TSPAN5: variants seen among roughly 807,000 people sequenced by gnomAD.
The protein encoded by TSPAN5 is tetraspanin 5, also known as tetraspanin-5.
In TSPAN5, 10 loss-of-function variants were observed where a neutral mutation model predicts 37.1. The ratio of observed to expected loss-of-function variants is 0.27; its 90% confidence interval spans 0.17 to 0.46. The LOEUF (loss-of-function observed/expected upper bound fraction) is 0.46, where lower values mean the gene tolerates loss of function less well. Ranked by LOEUF, TSPAN5 falls within the 20% of genes least tolerant of loss-of-function variation. The probability of loss-of-function intolerance (pLI) is 1.00; values close to 1 mark genes in which losing one functional copy is unlikely to be tolerated. For synonymous variants in TSPAN5, 110 were observed against 118.9 expected, an observed-to-expected ratio of 0.93 and a Z score of 0.48; for missense variants, 195 against 326.6, an observed-to-expected ratio of 0.60 and a Z score of 3.11.
intron 2 of TSPAN5, among the ~76,000 whole-genome samples, chr4:98,506,398 T>G (rs1192898617): frequency 6.6e-6 from 1 of 152,244 alleles, no homozygotes; most frequent in Non-Finnish European, 1.5e-5. Flanking sequence ...AAACTCCAGG[T>G]AGCCTCAGTT....
At chr4:98,491,539 T>C (rs1034482032) in intron 2 of TSPAN5, among the ~76,000 whole-genome samples, 1 of 152,030 alleles carries the variant, frequency 6.6e-6, no homozygotes, top group African/African-American at 2.4e-5. Context: ...AATACACAAA[T>C]GAGCTGCACG....
intron 1 of TSPAN5, among the ~76,000 whole-genome samples, chr4:98,602,731 C>T (rs1288169770): frequency 1.3e-5 from 2 of 152,216 alleles, no homozygotes; most frequent in Non-Finnish European, 2.9e-5. Flanking sequence ...ATTAGGAAAG[C>T]AAGCTGATTA....
intron 1 of TSPAN5, among the ~76,000 whole-genome samples, chr4:98,598,018 G>A (rs1317463395): frequency 4.3e-5 from 4 of 93,660 alleles, no homozygotes; most frequent in East Asian, 2.7e-4. Context: ...GGGCAATGGC[G>A]GGCGCCCCTC....
At chr4:98,568,236 G>A (rs1755050613) in intron 1 of TSPAN5, among the ~76,000 whole-genome samples, 1 of 152,010 alleles carries the variant, frequency 6.6e-6, no homozygotes, top group South Asian at 2.1e-4. Flanking sequence ...ATTCCACAGG[G>A]AAACAAGTAG....
At chr4:98,655,725 T>A (rs1261770814) in intron 1 of TSPAN5, among the ~76,000 whole-genome samples, 3 of 152,174 alleles carry the variant, frequency 2.0e-5, no homozygotes, top group African/African-American at 7.2e-5. Context: ...GTGTAACTTT[T>A]CAGAAGCAAG....
chr4:98,486,588 G>A (rs1264177822), intron 3 of TSPAN5, 150 bp downstream of exon 3: 2 of 798,826 alleles, frequency 2.5e-6, no homozygotes, highest in Non-Finnish European at 4.1e-6. Context: ...ATCAGGGCTA[G>A]AGAGCTCTCT....
chr4:98,587,158 G>A (rs1755509022), intron 1 of TSPAN5, among the ~76,000 whole-genome samples: 2 of 152,190 alleles, frequency 1.3e-5, no homozygotes, highest in South Asian at 2.1e-4. Context: ...AGTGGAGGGC[G>A]CCAAAGAAGG....
At chr4:98,530,007 G>A (rs1754046010) in intron 1 of TSPAN5, among the ~76,000 whole-genome samples, 1 of 152,216 alleles carries the variant, frequency 6.6e-6, no homozygotes, top group Admixed American at 6.5e-5. Context: ...CACAGTTTCT[G>A]CAGCCTTGAC....
chr4:98,634,878 G>A (rs1457999261), intron 1 of TSPAN5, among the ~76,000 whole-genome samples: 1 of 152,202 alleles, frequency 6.6e-6, no homozygotes, highest in African/African-American at 2.4e-5. Context: ...CCATTCTTTG[G>A]AAAGTCCTTT....
rs1351133772 is a variant in TSPAN5 at position 98,472,222 on chromosome 4, G to A, written c.*300C>T. On this transcript the variant is annotated 3_prime_UTR_variant, in exon 8 of 8. Coordinates refer to ENST00000305798, the MANE Select transcript of TSPAN5 (RefSeq NM_005723.4). The stretch of plus-strand genomic sequence containing the variant: ...AAGAATGTATTTTCTGCACATTCAA[G>A]TACATCTGGGTCCCCTACCCTCCCT... 3.5e-6 allele frequency: 1 copy of A among 285,052 alleles called. No homozygotes were observed. The highest frequency in any genetic ancestry group is 2.2e-5 in the African/African-American group (1 of 45,496). 17.7% of individuals were successfully genotyped at this position (285,052 alleles called of 1,614,324 possible).
intron 1 of TSPAN5, among the ~76,000 whole-genome samples, chr4:98,577,387 C>G (rs994141601): frequency 3.3e-5 from 5 of 152,094 alleles, no homozygotes; most frequent in Admixed American, 3.3e-4. Flanking sequence ...TTGTTTCCCC[C>G]CCTGAAACTC....
chr4:98,646,054 AC>A (rs1221489212), intron 1 of TSPAN5, among the ~76,000 whole-genome samples: 2 of 152,010 alleles, frequency 1.3e-5, no homozygotes, highest in African/African-American at 4.8e-5. Flanking sequence ...GGAAGAGGCA[AC>A]TTGGAAATGT....
chr4:98,586,549 C>T (rs1755491546), intron 1 of TSPAN5, among the ~76,000 whole-genome samples: 1 of 152,174 alleles, frequency 6.6e-6, no homozygotes, highest in Admixed American at 6.5e-5. Context: ...ATAGATTAAA[C>T]CCTTCTATTC....
chr4:98,549,296 GTT>G (rs777948646), intron 1 of TSPAN5, among the ~76,000 whole-genome samples: 7,168 of 126,482 alleles, frequency 0.057, 430 homozygotes, highest in African/African-American at 0.17. Flanking sequence ...TTGTTTGTTT[GTT>G]TTTGTTTTTT....
chr4:98,574,192 C>A (rs1755184821), intron 1 of TSPAN5, among the ~76,000 whole-genome samples: 1 of 152,194 alleles, frequency 6.6e-6, no homozygotes, highest in Non-Finnish European at 1.5e-5. Context: ...CAAAAACAGC[C>A]AACCTCTCAA....
intron 1 of TSPAN5, chr4:98,574,768 G>A (rs1452254721): frequency 2.6e-5 from 4 of 152,218 alleles, no homozygotes; most frequent in African/African-American, 4.8e-5. Context: ...GGTGCCTAGC[G>A]ACGGACCTGA....
chr4:98,603,161 G>T (rs1354664734), intron 1 of TSPAN5, among the ~76,000 whole-genome samples: 2 of 152,150 alleles, frequency 1.3e-5, no homozygotes, highest in Non-Finnish European at 2.9e-5. Flanking sequence ...AACAGTGGTG[G>T]CAAGGAGATG....
At position 98,528,369 on chromosome 4, in the gene TSPAN5, A is replaced by G. The variant is rs376193607; in HGVS notation, c.82-20641T>C. On this transcript the variant is annotated intron_variant, in intron 1 of 7. Transcript: ENST00000305798. ...TATCAACTAAAAAGAATACTATCAA[A>G]CCAACAGAACTGAAACTAGCCAAAA... is the stretch of plus-strand genomic sequence containing the variant. Among the ~76,000 whole-genome samples the G allele has an allele frequency of 7.0e-4, 106 of 152,166 alleles. 1 individual carries two copies. Among genetic ancestry groups the G allele is most frequent in the African/African-American group, 2.4e-3 (98 of 41,510 alleles).
chr4:98,547,940 G>C (rs1038634455), intron 1 of TSPAN5, among the ~76,000 whole-genome samples: 1 of 149,246 alleles, frequency 6.7e-6, no homozygotes, highest in Non-Finnish European at 1.5e-5. Flanking sequence ...TGGAGGTAGA[G>C]GCTGCAGTGA....
Sources: allele counts gnomAD v4.1 joint callset (sites outside exome capture counted in the v4.1 genomes callset), GRCh38; gene constraint gnomAD v4.1.1; transcripts MANE v1.5; gene names NCBI Gene and HGNC (gene_info 2026-07-23, HGNC 2026-07-21).